The following DOT1L variants were observed in gnomAD, a reference collection of about 807,000 sequenced individuals.
DOT1L encodes histone-lysine N-methyltransferase, H3 lysine-79 specific.
In DOT1L, 33 loss-of-function variants were observed where a neutral mutation model predicts 153.3. That is an observed-to-expected ratio of 0.22 (90% CI 0.16 to 0.29). The LOEUF (loss-of-function observed/expected upper bound fraction) is 0.29, where lower values mean the gene tolerates loss of function less well. Ranked by LOEUF, DOT1L falls within the 10% of genes least tolerant of loss-of-function variation. The pLI, the probability that DOT1L is intolerant of heterozygous loss-of-function variation, is 1.00. For synonymous variants in DOT1L, 1,135 were observed against 965.1 expected (o/e 1.18, Z -3.26); for missense variants, 1,847 against 2,119.9 (o/e 0.87, Z 2.53).
intron 7 of DOT1L, among the ~76,000 whole-genome samples, chr19:2,195,547 A>T (rs2022979903): frequency 2.6e-5 from 4 of 152,042 alleles, no homozygotes. Flanking sequence ...GGACTGCAGG[A>T]AGGTGGATGC....
At chr19:2,183,781 C>G (rs2022355879) in intron 2 of DOT1L, among the ~76,000 whole-genome samples, 1 of 152,036 alleles carries the variant, frequency 6.6e-6, no homozygotes, top group Admixed American at 6.6e-5. Flanking sequence ...CGCCCGTCAC[C>G]ATGCCCAGCA....
At chr19:2,166,753 C>A (rs1049008568) in intron 1 of DOT1L, among the ~76,000 whole-genome samples, 1 of 152,164 alleles carries the variant, frequency 6.6e-6, no homozygotes, top group African/African-American at 2.4e-5. Flanking sequence ...TCACCTAGGG[C>A]GTAGTTCGCT....
At position 2,201,830 on chromosome 19, in the gene DOT1L, C is replaced by T. The variant is rs949275949; in HGVS notation, c.708-870C>T. The stretch of plus-strand genomic sequence containing the variant: ...TCGCTGCCTTGTCAGGCAGCCCCAG[C>T]CCTAGGCTCAGCCTGCTCTGGCTCT... On this transcript the variant is annotated intron_variant, in intron 8 of 27. Coordinates refer to ENST00000398665, the MANE Select transcript of DOT1L (RefSeq NM_032482.3). Among the ~76,000 whole-genome samples the T allele has an allele frequency of 3.9e-5, 6 of 152,230 alleles. No homozygotes were observed. In the South Asian group the frequency reaches 8.3e-4, roughly 21 times the overall value.
intron 2 of DOT1L, among the ~76,000 whole-genome samples, chr19:2,180,969 G>A (rs1207534046): frequency 1.3e-5 from 2 of 152,186 alleles, no homozygotes; most frequent in African/African-American, 4.8e-5. Context: ...AGCTGCTGGG[G>A]TGTCCAGTGG....
intron 25 of DOT1L, among the ~76,000 whole-genome samples, chr19:2,224,510 C>T (rs1315646523): frequency 1.3e-5 from 2 of 151,010 alleles, no homozygotes; most frequent in Non-Finnish European, 2.9e-5. Context: ...GTCTGTGGCC[C>T]AGGCTGGAGT....
chr19:2,192,311 A>T (rs532807022), intron 5 of DOT1L, among the ~76,000 whole-genome samples: 2 of 152,338 alleles, frequency 1.3e-5, no homozygotes, highest in East Asian at 3.9e-4. Context: ...TGGTCAGCAT[A>T]GCAAGATCCC....
At chr19:2,172,963 C>G (rs1345264775) in intron 1 of DOT1L, among the ~76,000 whole-genome samples, 1 of 148,818 alleles carries the variant, frequency 6.7e-6, no homozygotes, top group Admixed American at 6.7e-5. Flanking sequence ...GGCAACTGCG[C>G]GAGACTCCAT....
rs377291808 is a variant in DOT1L, at chr19:2,172,529, A to G, written c.82-8184A>G. On this transcript the variant is annotated intron_variant, in intron 1 of 27. Coordinates refer to ENST00000398665, the MANE Select transcript of DOT1L (RefSeq NM_032482.3). ...TTTCTTTTTTTTTTTTTGAAGACAG[A>G]GTCTCACTCTTTTTACTCAGGCTGG... Among the ~76,000 whole-genome samples, 5 of 137,304 alleles carry G rather than the reference A, an allele frequency of 3.6e-5. No individual in the cohort carries two copies. The East Asian group carries it at 8.7e-4, about 24-fold the overall frequency. The allele number at this position is 137,304 out of a possible 152,430, so 90.1% of individuals were successfully genotyped here. A position where few individuals can be genotyped will look rare whatever the true frequency, so the allele number is the denominator to read the frequency against.
rs544320964 is a variant in DOT1L, at chr19:2,174,543, G to A, written c.82-6170G>A. 3.5e-3 allele frequency among the ~76,000 whole-genome samples: 520 copies of A among 150,486 alleles called. 8 individuals are homozygous for A. Among genetic ancestry groups the A allele is most frequent in the African/African-American group, 0.012 (483 of 39,836 alleles). On this transcript the variant is annotated intron_variant, in intron 1 of 27. Transcript: ENST00000398665. ...CTCTGTTAAAAATACAAAATTAGCT[G>A]GGTGTGGTGGCGCACGCCTGTAATC...
rs1183786009 is a variant in DOT1L at position 2,211,760 on chromosome 19, A to G, written c.1475A>G (p.Lys492Arg). ...CCGCCTCTCTTCCCAGAGTCCTTCAAGATCCAGTACCTGCAGTTCCTGGCA... is the reference window on the plus strand; with the variant it reads ...CCGCCTCTCTTCCCAGAGTCCTTCAGGATCCAGTACCTGCAGTTCCTGGCA... Reference protein sequence around the residue: ...PALQKLLESFKIQYLQFLAYT... With the variant: ...PALQKLLESFRIQYLQFLAYT... The change falls in exon 16 of 28, where the codon AAG (lysine) becomes AGG (arginine). Residue 492 changes from lysine (K) to arginine (R), a missense_variant. Coordinates refer to ENST00000398665, the MANE Select transcript of DOT1L (RefSeq NM_032482.3). The G allele has an allele frequency of 3.2e-6, 5 of 1,564,254 alleles. No homozygotes were observed. Among genetic ancestry groups the G allele is most frequent in the Non-Finnish European group, 4.3e-6 (5 of 1,153,596 alleles).
intron 3 of DOT1L, among the ~76,000 whole-genome samples, chr19:2,187,045 C>T (rs902774869): frequency 4.6e-5 from 7 of 152,352 alleles, no homozygotes; most frequent in South Asian, 4.1e-4. Flanking sequence ...GGAGGCTTCT[C>T]GGAGACTTGC....
chr19:2,219,525 G>A (rs149441670), intron 22 of DOT1L, among the ~76,000 whole-genome samples: 10 of 152,298 alleles, frequency 6.6e-5, no homozygotes, highest in South Asian at 4.1e-4. Flanking sequence ...GATGGACCCC[G>A]GCTTGATTCC....
At position 2,220,281 on chromosome 19, in the gene DOT1L, A is replaced by G; in HGVS notation, c.2806+59A>G. Reference sequence around the variant, plus strand: ...CTGCTGCTGCTGCTGCTCTTCAGGCAGGAGGGCTGGGTTGCTGGGAGTGGA... The same window carrying G: ...CTGCTGCTGCTGCTGCTCTTCAGGCGGGAGGGCTGGGTTGCTGGGAGTGGA... On this transcript the variant is annotated intron_variant, in intron 23 of 27. Transcript: ENST00000398665. The surrounding 1 kb of genome is among the most constrained non-coding windows in gnomAD (Gnocchi z 4.5). 3 of 1,535,024 alleles carry G rather than the reference A, an allele frequency of 2.0e-6. No individual in the cohort carries two copies. Among genetic ancestry groups the G allele is most frequent in the Non-Finnish European group, 2.7e-6 (3 of 1,128,936 alleles).
rs903191352 is a variant in DOT1L at position 2,207,993 on chromosome 19, G to T, written c.963+313G>T. ...ATGTGTGACCATAAGGGTCCCGGCC[G>T]CCATATCCAGAGGCCCCTGTGGATA... On this transcript the variant is annotated intron_variant, in intron 11 of 27. Coordinates refer to ENST00000398665, the MANE Select transcript of DOT1L (RefSeq NM_032482.3). The surrounding 1 kb of genome is among the most constrained non-coding windows in gnomAD (Gnocchi z 4.5). Among the ~76,000 whole-genome samples the T allele has an allele frequency of 6.6e-6, 1 of 152,096 alleles. No individual in the cohort carries two copies. The highest frequency in any genetic ancestry group is 1.5e-5 in the Non-Finnish European group (1 of 67,990).
chr19:2,211,367 G>T (rs2023708137), intron 15 of DOT1L, among the ~76,000 whole-genome samples, 155 bp downstream of exon 15: 1 of 152,220 alleles, frequency 6.6e-6, no homozygotes, highest in South Asian at 2.1e-4. Context: ...TGCTGCAGGG[G>T]TCAGTAGAGG....
rs531490037 is a variant in DOT1L, at chr19:2,185,726, G to A, written c.126-129G>A. ...GGAGCTTGCAGTGAGCCAAGATCACGACACTGCACTCCAGCCTGGGCAACA... is the reference window on the plus strand; with the variant it reads ...GGAGCTTGCAGTGAGCCAAGATCACAACACTGCACTCCAGCCTGGGCAACA... On this transcript the variant is annotated intron_variant, in intron 2 of 27. Coordinates refer to ENST00000398665, the MANE Select transcript of DOT1L (RefSeq NM_032482.3). The A allele has an allele frequency of 3.1e-3, 2,925 of 936,660 alleles. 8 individuals are homozygous for A. The highest frequency in any genetic ancestry group is 4.3e-3 in the Non-Finnish European group (2,594 of 597,276). The allele number at this position is 936,660 out of a possible 1,614,324, so 58.0% of individuals were successfully genotyped here. A position where few individuals can be genotyped will look rare whatever the true frequency, so the allele number is the denominator to read the frequency against.
intron 27 of DOT1L, chr19:2,228,106 C>G: frequency 7.4e-7 from 1 of 1,355,780 alleles, no homozygotes; most frequent in Non-Finnish European, 9.8e-7. Flanking sequence ...TTCTTGCCCC[C>G]CACCTCTGCT....
At chr19:2,218,688 T>C (rs547512021) in intron 22 of DOT1L, among the ~76,000 whole-genome samples, 2 of 151,350 alleles carry the variant, frequency 1.3e-5, no homozygotes, top group Non-Finnish European at 2.9e-5. Flanking sequence ...CCACGACGTC[T>C]GGCCTCTTTC....
chr19:2,197,644 G>A lies in DOT1L; in HGVS notation c.652-2240G>A, dbSNP rs924059585. 6.6e-6 allele frequency among the ~76,000 whole-genome samples: 1 copy of A among 152,212 alleles called. No homozygotes were observed. Among genetic ancestry groups the A allele is most frequent in the African/African-American group, 2.4e-5 (1 of 41,452 alleles). On this transcript the variant is annotated intron_variant, in intron 7 of 27. Coordinates refer to ENST00000398665, the MANE Select transcript of DOT1L (RefSeq NM_032482.3). The surrounding 1 kb of genome is among the most constrained non-coding windows in gnomAD (Gnocchi z 4.1). ...GGCATGGAGCTGCGTTCGTGGTCTG[G>A]ATTCCGTGCAGGTTTAGGTGCTCAC...
Sources: allele counts gnomAD v4.1 joint callset (sites outside exome capture counted in the v4.1 genomes callset), GRCh38; gene constraint gnomAD v4.1.1; non-coding constraint Gnocchi (gnomAD v3.1); transcripts MANE v1.5; gene names NCBI Gene and HGNC (gene_info 2026-07-23, HGNC 2026-07-21).